Variants in DLST observed in about 807,000 individuals in gnomAD.
DLST encodes dihydrolipoamide S-succinyltransferase.
DLST carries 17 observed loss-of-function variants against 53.1 expected under a neutral mutation model. That is an observed-to-expected ratio of 0.32 (90% CI 0.22 to 0.48). The LOEUF (loss-of-function observed/expected upper bound fraction) is 0.48. Among genes scored for constraint, DLST ranks in the 20% least tolerant of loss-of-function variants. The pLI, the probability that DLST is intolerant of heterozygous loss-of-function variation, is 0.99. For missense variants in DLST, 512 were observed against 583.9 expected, an observed-to-expected ratio of 0.88 and a Z score of 1.27; for synonymous variants, 206 against 204.8, an observed-to-expected ratio of 1.01 and a Z score of -0.05.
At chr14:74,887,069 C>T (rs376985604) in intron 3 of DLST, among the ~76,000 whole-genome samples, 1 of 152,060 alleles carries the variant, frequency 6.6e-6, no homozygotes, top group Non-Finnish European at 1.5e-5. Context: ...GCAATTCCAT[C>T]TCTAGGAATC....
Position 74,885,661 on chromosome 14 carries a change from T to C in DLST, c.146+27T>C, listed in dbSNP as rs192940527. On this transcript the variant is annotated intron_variant, in intron 3 of 14. Coordinates refer to ENST00000334220, the MANE Select transcript of DLST (RefSeq NM_001933.5). ...TAAGTATCACTGGGGAGTACAGATATGTGGCCACGGGTTATTTATTTAAAG... is the reference window on the plus strand; with the variant it reads ...TAAGTATCACTGGGGAGTACAGATACGTGGCCACGGGTTATTTATTTAAAG... The C allele has an allele frequency of 2.9e-4, 463 of 1,589,860 alleles. 3 individuals are homozygous for C. In the Middle Eastern group the frequency reaches 8.5e-3, roughly 29 times the overall value.
chr14:74,898,562 C>T, intron 11 of DLST, 63 bp downstream of exon 11: 1 of 1,553,334 alleles, frequency 6.4e-7, no homozygotes, highest in Non-Finnish European at 8.7e-7. Context: ...CACAGACCTG[C>T]TCCCACATGC....
rs1059327 is a variant in DLST at position 74,902,759 on chromosome 14, G to A, written c.*429G>A. ...GAGGATGCTGTGCCTCCCAAGCTCA[G>A]AGCAGCCTCTGTCCTGGCTGTGCAC... On this transcript the variant is annotated 3_prime_UTR_variant, in exon 15 of 15. Coordinates refer to ENST00000334220, the MANE Select transcript of DLST (RefSeq NM_001933.5). 6.5e-6 allele frequency: 1 copy of A among 154,186 alleles called. No individual in the cohort carries two copies. The highest frequency in any genetic ancestry group is 6.5e-5 in the Admixed American group (1 of 15,382). 9.6% of individuals were successfully genotyped at this position (154,186 alleles called of 1,614,324 possible).
intron 10 of DLST, 122 bp from the exon 11 acceptor site, chr14:74,898,247 A>G (rs1884132725): frequency 7.8e-7 from 1 of 1,283,138 alleles, no homozygotes. Context: ...CAAAACTTGA[A>G]CTAAGGTAAT....
In DLST at chr14:74,881,966, T is replaced by C. The variant is rs528421129; in HGVS notation, c.13T>C (p.Ser5Pro). Residue 5 changes from serine to proline, a missense_variant, in exon 1 of 15, where the codon TCC (serine) becomes CCC (proline). By Grantham distance (74) the Ser-to-Pro change is moderately conservative. Coordinates refer to ENST00000334220, the MANE Select transcript of DLST (RefSeq NM_001933.5). Reference protein sequence around the residue: MLSRSRCVSRAFSRS... With the variant: MLSRPRCVSRAFSRS... Reference sequence around the variant, plus strand: ...CTCCTCCGCCGTGATGCTGTCCCGATCCCGCTGTGTGTCTCGGGCGTTCAG... The same window carrying C: ...CTCCTCCGCCGTGATGCTGTCCCGACCCCGCTGTGTGTCTCGGGCGTTCAG... 6 of 1,567,738 alleles carry C rather than the reference T, an allele frequency of 3.8e-6. No individual in the cohort carries two copies. Among genetic ancestry groups the C allele is most frequent in the East Asian group, 2.4e-5 (1 of 41,456 alleles).
chr14:74,898,044 T>G (rs1181617308), intron 10 of DLST, among the ~76,000 whole-genome samples: 8 of 152,016 alleles, frequency 5.3e-5, no homozygotes, highest in African/African-American at 9.7e-5. Context: ...GATAGCTCAG[T>G]TATTCAGGGC....
At chr14:74,897,569 A>G (rs1420374579) in intron 10 of DLST, among the ~76,000 whole-genome samples, 1 of 152,260 alleles carries the variant, frequency 6.6e-6, no homozygotes, top group Non-Finnish European at 1.5e-5. Flanking sequence ...TCTGAAGGGA[A>G]CCAGCCTAAA....
intron 9 of DLST, 112 bp downstream of exon 9, chr14:74,893,536 C>T: frequency 8.5e-7 from 1 of 1,175,396 alleles, no homozygotes. Flanking sequence ...ATTCCCTCAA[C>T]CTTGATAAAG....
intron 10 of DLST, 138 bp downstream of exon 10, chr14:74,894,547 G>A: frequency 1.1e-6 from 1 of 939,886 alleles, no homozygotes; most frequent in South Asian, 1.8e-5. Flanking sequence ...TTGTTTGTTT[G>A]TTTTTGTTTT....
chr14:74,887,205 C>T (rs1291545472), intron 3 of DLST, among the ~76,000 whole-genome samples: 1 of 152,056 alleles, frequency 6.6e-6, no homozygotes, highest in Non-Finnish European at 1.5e-5. Flanking sequence ...CACATGTTCA[C>T]ACTATGAAAA....
intron 10 of DLST, among the ~76,000 whole-genome samples, chr14:74,895,287 G>A (rs759764694): frequency 2.0e-5 from 3 of 152,198 alleles, no homozygotes; most frequent in Non-Finnish European, 4.4e-5. Context: ...ACCTTAGAAT[G>A]TTAACCAAAG....
At chr14:74,884,650 C>CA (rs1383826891) in intron 2 of DLST, among the ~76,000 whole-genome samples, 1 of 152,114 alleles carries the variant, frequency 6.6e-6, no homozygotes, top group Non-Finnish European at 1.5e-5. Flanking sequence ...TCCAGGTTCC[C>CA]AAAATCAGTG....
intron 11 of DLST, 86 bp downstream of exon 11, chr14:74,898,585 G>T: frequency 2.7e-6 from 4 of 1,475,368 alleles, no homozygotes; most frequent in Non-Finnish European, 3.6e-6. Flanking sequence ...AGGATCAACA[G>T]ACCAAGGCTT....
At chr14:74,900,476 AGCC>A in intron 13 of DLST, 104 bp downstream of exon 13, 1 of 970,466 alleles carries the variant, frequency 1.0e-6, no homozygotes, top group Non-Finnish European at 1.6e-6. Flanking sequence ...TCAAGTGCAT[AGCC>A]CCTGAGAAAA....
chr14:74,894,599 G>A (rs545793443), intron 10 of DLST, among the ~76,000 whole-genome samples, 190 bp downstream of exon 10: 43 of 152,268 alleles, frequency 2.8e-4, no homozygotes, highest in African/African-American at 1.0e-3. Flanking sequence ...AGGCTGGAGT[G>A]CAGTGGCATG....
intron 7 of DLST, among the ~76,000 whole-genome samples, chr14:74,892,222 A>G (rs918816363): frequency 3.3e-5 from 5 of 152,162 alleles, no homozygotes; most frequent in Middle Eastern, 3.2e-3. Flanking sequence ...AGCTGGGACT[A>G]TGGGCACATG....
intron 13 of DLST, 64 bp from the exon 14 acceptor site, chr14:74,901,002 G>A (rs1884228125): frequency 6.4e-7 from 1 of 1,569,824 alleles, no homozygotes; most frequent in Non-Finnish European, 8.7e-7. Flanking sequence ...CTGGGATTAT[G>A]GACTGACTTT....
chr14:74,889,838 G>A (rs761415175), intron 5 of DLST, 59 bp from the exon 6 acceptor site: 1 of 1,569,874 alleles, frequency 6.4e-7, no homozygotes. Flanking sequence ...AATGGGTTTT[G>A]TGGCTACTGG....
chr14:74,885,159 C>T (rs1022158737), intron 2 of DLST, among the ~76,000 whole-genome samples: 3 of 152,200 alleles, frequency 2.0e-5, no homozygotes, highest in Admixed American at 2.0e-4. Flanking sequence ...AAACATCCTC[C>T]TTGCTTCTCA....
Sources: allele counts gnomAD v4.1 joint callset (sites outside exome capture counted in the v4.1 genomes callset), GRCh38; gene constraint gnomAD v4.1.1; transcripts MANE v1.5; gene names NCBI Gene and HGNC (gene_info 2026-07-23, HGNC 2026-07-21).